CGNL1: variants seen among roughly 807,000 people sequenced by gnomAD.
The protein encoded by CGNL1 is cingulin-like protein 1.
CGNL1 carries 132 observed loss-of-function variants against 141.2 expected under a neutral mutation model. The ratio of observed to expected loss-of-function variants is 0.93; its 90% CI spans 0.81 to 1.08. The LOEUF is 1.08. Ranked by LOEUF, CGNL1 falls within the 50% of genes least tolerant of loss-of-function variation. The pLI, the probability that CGNL1 is intolerant of heterozygous loss-of-function variation, is 0.00. For synonymous variants in CGNL1, 690 were observed against 622.1 expected, an observed-to-expected ratio of 1.11 and a Z score of -1.63; for missense variants, 1,870 against 1,588.6, an observed-to-expected ratio of 1.18 and a Z score of -3.01.
At position 57,376,554 on chromosome 15, in the gene CGNL1, AGGC is replaced by A. The variant is rs1244109490; in HGVS notation, c.-17_-16+1del. The A allele has an allele frequency of 2.6e-5, 4 of 151,900 alleles. No individual in the cohort carries two copies. The highest frequency in any genetic ancestry group is 5.9e-5 in the Non-Finnish European group (4 of 68,158). The allele number at this position is 151,900 out of a possible 1,614,324, so 9.4% of individuals were successfully genotyped here. On this transcript the variant is annotated 5_prime_UTR_variant, in exon 1 of 19. Transcript: ENST00000281282. ...TGCGGCGGGAGCTGGACGCGGGAGG[AGGC>A]GGCGGCGGCGGTGAGTGAGCTCCGG... is the stretch of plus-strand genomic sequence containing the variant.
At chr15:57,420,806 A>G (rs2152282296) in intron 1 of CGNL1, among the ~76,000 whole-genome samples, 1 of 152,370 alleles carries the variant, frequency 6.6e-6, no homozygotes, top group East Asian at 1.9e-4. Flanking sequence ...AGACTCAGCC[A>G]TTAGGGAACT....
chr15:57,398,659 G>A (rs544261647), intron 1 of CGNL1, among the ~76,000 whole-genome samples: 15 of 152,336 alleles, frequency 9.8e-5, no homozygotes, highest in Non-Finnish European at 2.2e-4. Context: ...GAGCATGTTG[G>A]AAAACCAGGC....
chr15:57,378,624 C>G (rs1393185545), intron 1 of CGNL1, among the ~76,000 whole-genome samples: 1 of 151,950 alleles, frequency 6.6e-6, no homozygotes, highest in Non-Finnish European at 1.5e-5. Context: ...CTCAGGTGAT[C>G]TGCCCACCTC....
At chr15:57,382,177 A>G (rs1057316213) in intron 1 of CGNL1, among the ~76,000 whole-genome samples, 119 of 152,262 alleles carry the variant, frequency 7.8e-4, no homozygotes, top group African/African-American at 2.7e-3. Flanking sequence ...TCAAGCTCTT[A>G]AAATTACAGG....
At chr15:57,491,235 T>C (rs55899913) in intron 8 of CGNL1, among the ~76,000 whole-genome samples, 17,799 of 152,292 alleles carry the variant, frequency 0.12, 1,333 homozygotes, top group Non-Finnish European at 0.16. Flanking sequence ...AAGGGAATTT[T>C]GTATTATTTT....
chr15:57,522,504 T>A (rs1183813529), intron 10 of CGNL1, among the ~76,000 whole-genome samples: 3 of 152,236 alleles, frequency 2.0e-5, no homozygotes, highest in African/African-American at 4.8e-5. Context: ...GAGCTGTTTC[T>A]GTAGTGGCCC....
At chr15:57,380,637 A>T (rs1039979) in intron 1 of CGNL1, among the ~76,000 whole-genome samples, 60,441 of 152,016 alleles carry the variant, frequency 0.4, 12,609 homozygotes, top group East Asian at 0.58. Flanking sequence ...TGATTTTGGA[A>T]ATGTCCGACT....
At chr15:57,449,741 T>G (rs1216613191) in intron 4 of CGNL1, among the ~76,000 whole-genome samples, 1 of 152,212 alleles carries the variant, frequency 6.6e-6, no homozygotes, top group African/African-American at 2.4e-5. Flanking sequence ...CCCTAACCTC[T>G]GGCAACCCGT....
At chr15:57,458,140 T>A (rs2063402040) in intron 7 of CGNL1, among the ~76,000 whole-genome samples, 1 of 152,214 alleles carries the variant, frequency 6.6e-6, no homozygotes, top group Non-Finnish European at 1.5e-5. Context: ...GTTCTTATGA[T>A]GTATAAGGAC....
chr15:57,403,192 T>A (rs1482340565), intron 1 of CGNL1, among the ~76,000 whole-genome samples: 1 of 152,188 alleles, frequency 6.6e-6, no homozygotes, highest in African/African-American at 2.4e-5. Flanking sequence ...ACCTCCATGG[T>A]GGTCTTGGCC....
In CGNL1 at chr15:57,452,159, G is replaced by C. The variant is rs201464499; in HGVS notation, c.1924G>C (p.Glu642Gln). 6.2e-7 allele frequency: 1 copy of C among 1,613,246 alleles called. No individual in the cohort carries two copies. Among genetic ancestry groups the C allele is most frequent in the African/African-American group, 1.3e-5 (1 of 74,970 alleles). The stretch of plus-strand genomic sequence containing the variant: ...CTGTTAGAATCAACAGAACATTAAA[G>C]AAGAGAGAGAGAGGATGAGAGCAAA... ...LEVKNQQNIK[E>Q]ERERMRANLE... Residue 642 changes from glutamate (E) to glutamine (Q), a missense_variant, in exon 6 of 19, where the codon GAA (glutamate) becomes CAA (glutamine). By Grantham distance (29) the Glu-to-Gln change is conservative. Transcript: ENST00000281282.
chr15:57,536,864 G>A (rs188925455), intron 14 of CGNL1, among the ~76,000 whole-genome samples: 4 of 152,232 alleles, frequency 2.6e-5, no homozygotes, highest in East Asian at 1.9e-4. Flanking sequence ...TATTCCCATC[G>A]TCCCTGAATG....
At chr15:57,474,734 C>T (rs1395743110) in intron 8 of CGNL1, among the ~76,000 whole-genome samples, 1 of 152,048 alleles carries the variant, frequency 6.6e-6, no homozygotes, top group Non-Finnish European at 1.5e-5. Context: ...TGTGCTTGTG[C>T]ACATATGGAT....
intron 12 of CGNL1, among the ~76,000 whole-genome samples, chr15:57,526,832 GT>G (rs2031645190): frequency 6.6e-6 from 1 of 152,126 alleles, no homozygotes; most frequent in African/African-American, 2.4e-5. Context: ...CCTGCTGGGT[GT>G]GGAAGGTGGG....
intron 10 of CGNL1, among the ~76,000 whole-genome samples, chr15:57,521,820 G>A (rs1362894301): frequency 6.6e-6 from 1 of 152,070 alleles, no homozygotes; most frequent in African/African-American, 2.4e-5. Flanking sequence ...CTTGGGATTG[G>A]GGTCTAAGAG....
At position 57,378,598 on chromosome 15, in the gene CGNL1, T is replaced by G. The variant is rs994692440; in HGVS notation, c.-16+2031T>G. On this transcript the variant is annotated intron_variant, in intron 1 of 18. Coordinates refer to ENST00000281282, the MANE Select transcript of CGNL1 (RefSeq NM_032866.5). ...GGGTTTCGCCATGTTGTCCAGGCTG[T>G]TCTCAAACTCCTGACCTCAGGTGAT... is the stretch of plus-strand genomic sequence containing the variant. 2.6e-5 allele frequency among the ~76,000 whole-genome samples: 4 copies of G among 151,740 alleles called. No homozygotes were observed. In the East Asian group the frequency reaches 7.8e-4, roughly 29 times the overall value.
At chr15:57,388,729 T>C (rs7172742) in intron 1 of CGNL1, among the ~76,000 whole-genome samples, 1 of 152,122 alleles carries the variant, frequency 6.6e-6, no homozygotes, top group African/African-American at 2.4e-5. Flanking sequence ...ATGGAGAAAT[T>C]ATGCTTGGCA....
intron 8 of CGNL1, among the ~76,000 whole-genome samples, chr15:57,469,299 G>T (rs185906067): frequency 6.6e-6 from 1 of 151,592 alleles, no homozygotes; most frequent in Non-Finnish European, 1.5e-5. Context: ...AAAGGCTAAT[G>T]AGTTCATCTT....
chr15:57,441,954 A>T (rs889222763), intron 3 of CGNL1, among the ~76,000 whole-genome samples: 4 of 152,146 alleles, frequency 2.6e-5, no homozygotes, highest in Admixed American at 2.0e-4. Flanking sequence ...TTAGTGTAAG[A>T]TTCAGATGTA....
Sources: gnomAD v4.1 joint callset for allele counts (sites outside exome capture counted in the v4.1 genomes callset) on GRCh38, gnomAD v4.1.1 for gene constraint, MANE v1.5 for transcripts, NCBI Gene and HGNC (gene_info 2026-07-23, HGNC 2026-07-21) for gene names.